MYO5B: variants seen among roughly 807,000 people sequenced by gnomAD.
The protein encoded by MYO5B is myosin VB.
A neutral mutation model predicts 229.3 loss-of-function variants in MYO5B; 143 were observed. That is an observed-to-expected ratio of 0.62 (90% confidence interval 0.54 to 0.72). MYO5B has a LOEUF of 0.72. MYO5B is among the 30% of genes least tolerant of loss of function. The pLI is 0.00. For synonymous variants in MYO5B, 918 were observed against 885.2 expected (o/e 1.04, Z -0.66); for missense variants, 2,321 against 2,331.0 (o/e 1.00, Z 0.09).
intron 1 of MYO5B, among the ~76,000 whole-genome samples, chr18:50,172,417 T>A (rs1215602825): frequency 6.6e-6 from 1 of 151,418 alleles, no homozygotes; most frequent in Non-Finnish European, 1.5e-5. Flanking sequence ...AACTAGAGAA[T>A]CGGATTCCCA....
intron 1 of MYO5B, among the ~76,000 whole-genome samples, chr18:50,145,957 T>G (rs2032495841): frequency 1.3e-5 from 2 of 152,170 alleles, no homozygotes; most frequent in African/African-American, 4.8e-5. Context: ...ACGGATACAT[T>G]TCGAAGTATT....
rs2144176405 is a variant in MYO5B, at chr18:49,919,508, T to A, written c.2091-7335A>T. On this transcript the variant is annotated intron_variant, in intron 17 of 39. Coordinates refer to ENST00000285039, the MANE Select transcript of MYO5B (RefSeq NM_001080467.3). ...AAGACAAGTAATCCAATAAAAAAAA[T>A]GGGCAAAGGAGATCAACAGACATTT... 2.6e-5 allele frequency among the ~76,000 whole-genome samples: 4 copies of A among 152,154 alleles called. No individual in the cohort carries two copies. In the South Asian group the frequency reaches 8.3e-4, roughly 32 times the overall value.
At chr18:50,008,155 A>G (rs2026122899) in intron 4 of MYO5B, among the ~76,000 whole-genome samples, 1 of 152,198 alleles carries the variant, frequency 6.6e-6, no homozygotes, top group South Asian at 2.1e-4. Flanking sequence ...GTAAGTTTAA[A>G]TATGTATTGG....
chr18:49,826,728 C>G (rs530649883), intron 39 of MYO5B, 105 bp from the exon 40 acceptor site: 3 of 1,352,912 alleles, frequency 2.2e-6, no homozygotes, highest in African/African-American at 2.9e-5. Context: ...AAGATTTCTA[C>G]GACAATTAGG....
intron 23 of MYO5B, chr18:49,879,368 C>T: frequency 4.3e-6 from 2 of 466,222 alleles, no homozygotes; most frequent in Non-Finnish European, 7.9e-6. Context: ...ATGCCCCAGC[C>T]TCTCTTCTGC....
At chr18:49,930,191 TAAATG>T (rs2025174140) in intron 16 of MYO5B, among the ~76,000 whole-genome samples, 1 of 152,166 alleles carries the variant, frequency 6.6e-6, no homozygotes, top group Admixed American at 6.5e-5. Context: ...GTGTGAAGCT[TAAATG>T]TAATGGTCCC....
At chr18:49,974,686 C>G in intron 9 of MYO5B, 71 bp from the exon 10 acceptor site, 1 of 1,551,582 alleles carries the variant, frequency 6.4e-7, no homozygotes, top group South Asian at 1.2e-5. Context: ...ATGTCTTCCA[C>G]CCTCCTGCCC....
At chr18:50,112,256 A>T (rs1427116218) in intron 1 of MYO5B, among the ~76,000 whole-genome samples, 3 of 152,236 alleles carry the variant, frequency 2.0e-5, no homozygotes, top group Non-Finnish European at 4.4e-5. Context: ...TCTGGGCTAC[A>T]TCTAGGAATC....
intron 1 of MYO5B, among the ~76,000 whole-genome samples, chr18:50,167,311 C>T (rs2144328888): frequency 6.6e-6 from 1 of 152,330 alleles, no homozygotes; most frequent in African/African-American, 2.4e-5. Context: ...TTTCACAAGC[C>T]TCACTGTATG....
chr18:49,922,000 T>C (rs1217146504), intron 17 of MYO5B, among the ~76,000 whole-genome samples: 1 of 152,230 alleles, frequency 6.6e-6, no homozygotes, highest in African/African-American at 2.4e-5. Flanking sequence ...CAAGCTAATA[T>C]GAGCTGAATC....
chr18:49,883,451 C>T (rs368384683), intron 22 of MYO5B, among the ~76,000 whole-genome samples: 7 of 152,002 alleles, frequency 4.6e-5, no homozygotes, highest in Non-Finnish European at 8.8e-5. Flanking sequence ...AATTCATACT[C>T]GGTAAATGAA....
Position 50,036,842 on chromosome 18 carries a change from A to G in MYO5B, c.455+8T>C, listed in dbSNP as rs373498192. On this transcript the variant is annotated splice_region_variant and intron_variant, in intron 4 of 39. Transcript: ENST00000285039. Reference sequence around the variant, plus strand: ...TCAGGAGGACTTCTGGGCTGAGGACATTCTCACCTGGCCATCTGCTTGTAG... The same window carrying G: ...TCAGGAGGACTTCTGGGCTGAGGACGTTCTCACCTGGCCATCTGCTTGTAG... The G allele has an allele frequency of 4.6e-5, 74 of 1,614,024 alleles. No individual in the cohort carries two copies. The East Asian group carries it at 1.4e-3, about 32-fold the overall frequency.
intron 1 of MYO5B, among the ~76,000 whole-genome samples, chr18:50,130,472 C>T (rs896534562): frequency 2.6e-5 from 4 of 152,172 alleles, no homozygotes; most frequent in Non-Finnish European, 5.9e-5. Context: ...CTGAGATGTA[C>T]ACACATGCGG....
At position 49,822,809 on chromosome 18, in the gene MYO5B, C is replaced by A. The variant is rs2023785906; in HGVS notation, c.*3662G>T. 1 of 138,922 alleles carries A rather than the reference C, an allele frequency of 7.2e-6. No individual in the cohort carries two copies. The highest frequency in any genetic ancestry group is 2.7e-5 in the African/African-American group (1 of 37,686). The allele number at this position is 138,922 out of a possible 1,614,324, so 8.6% of individuals were successfully genotyped here. A position where few individuals can be genotyped will look rare whatever the true frequency, so the allele number is the denominator to read the frequency against. On this transcript the variant is annotated 3_prime_UTR_variant, in exon 40 of 40. Coordinates refer to ENST00000285039, the MANE Select transcript of MYO5B (RefSeq NM_001080467.3). ...TTAAATTTCATTTAGATTTGGCACA[C>A]CTCTTTATTCAAAAGTATTTATTTC...
intron 39 of MYO5B, among the ~76,000 whole-genome samples, chr18:49,829,032 C>T (rs540128907): frequency 6.7e-6 from 1 of 150,098 alleles, no homozygotes; most frequent in East Asian, 1.9e-4. Flanking sequence ...AAATAGAGAA[C>T]AGATCAATAC....
intron 1 of MYO5B, among the ~76,000 whole-genome samples, chr18:50,162,861 C>A (rs1014972594): frequency 1.5e-4 from 23 of 152,206 alleles, no homozygotes; most frequent in African/African-American, 5.5e-4. Context: ...GCTGATGCCT[C>A]CCCATCCCGT....
At chr18:49,980,142 G>A (rs2025798389) in intron 9 of MYO5B, among the ~76,000 whole-genome samples, 1 of 152,168 alleles carries the variant, frequency 6.6e-6, no homozygotes, top group African/African-American at 2.4e-5. Flanking sequence ...CACTCAGAAA[G>A]TACTCAATTG....
chr18:49,839,422 A>C, intron 35 of MYO5B, 128 bp from the exon 36 acceptor site: 1 of 1,013,882 alleles, frequency 9.9e-7, no homozygotes, highest in Non-Finnish European at 1.5e-6. Context: ...CCCTATGTAG[A>C]TGATGTTTTA....
chr18:50,186,995 C>G (rs1335506856), intron 1 of MYO5B, among the ~76,000 whole-genome samples: 1 of 152,122 alleles, frequency 6.6e-6, no homozygotes, highest in Non-Finnish European at 1.5e-5. Context: ...TTGCAAGAAC[C>G]CCAGATCCTG....
Sources: gnomAD v4.1 joint callset for allele counts (sites outside exome capture counted in the v4.1 genomes callset) on GRCh38, gnomAD v4.1.1 for gene constraint, MANE v1.5 for transcripts, NCBI Gene and HGNC (gene_info 2026-07-23, HGNC 2026-07-21) for gene names.